Variants in LTBP2 observed in about 807,000 individuals in gnomAD.
The protein encoded by LTBP2 is latent-transforming growth factor beta-binding protein 2.
Under a neutral mutation model 210.6 loss-of-function variants are expected in LTBP2, and 103 were observed. The ratio of observed to expected loss-of-function variants is 0.49; its 90% CI spans 0.42 to 0.58. LTBP2 has a LOEUF of 0.58. Ranked by LOEUF, LTBP2 falls within the 20% of genes least tolerant of loss-of-function variation. LTBP2 has a pLI of 0.00. For missense variants in LTBP2, 2,313 were observed against 2,494.5 expected (o/e 0.93, Z 1.55); for synonymous variants, 1,007 against 1,015.0 (o/e 0.99, Z 0.15).
intron 30 of LTBP2, among the ~76,000 whole-genome samples, 185 bp from the exon 31 acceptor site, chr14:74,504,239 G>GA (rs1263187000): frequency 2.6e-5 from 4 of 152,250 alleles, no homozygotes; most frequent in Non-Finnish European, 5.9e-5. Context: ...TTGTAAGGAT[G>GA]AAAAGGTGTT....
Position 74,552,239 on chromosome 14 carries a change from C to G in LTBP2, c.1347G>C (p.Leu449=). The change falls in exon 6 of 36, where the codon CTG becomes CTC. Residue 449 remains leucine (L), a synonymous_variant. Transcript: ENST00000261978. ...PGRGSRPRAL[L]EAPLKQSTFT... Reference sequence around the variant, plus strand: ...AAGTGGACTGCTTCAGTGGGGCTTCCAGCAAGGCCCTGGGGCGGGACCCCC... The same window carrying G: ...AAGTGGACTGCTTCAGTGGGGCTTCGAGCAAGGCCCTGGGGCGGGACCCCC... 6.2e-7 allele frequency: 1 copy of G among 1,612,922 alleles called. No individual in the cohort carries two copies. Among genetic ancestry groups the G allele is most frequent in the Non-Finnish European group, 8.5e-7 (1 of 1,179,836 alleles).
In LTBP2 at chr14:74,502,635, T is replaced by A. The variant is rs1469713949; in HGVS notation, c.5170+18A>T. 6.2e-7 allele frequency: 1 copy of A among 1,614,100 alleles called. No homozygotes were observed. The highest frequency in any genetic ancestry group is 1.1e-5 in the South Asian group (1 of 91,084). ...GCTTTGGTGCCCACCTCTTCCCCAG[T>A]TTTGCAGCAACACAGACCTGGATGG... On this transcript the variant is annotated intron_variant, in intron 34 of 35. Coordinates refer to ENST00000261978, the MANE Select transcript of LTBP2 (RefSeq NM_000428.3).
At chr14:74,604,284 G>A (rs1164798454) in intron 1 of LTBP2, among the ~76,000 whole-genome samples, 1 of 152,056 alleles carries the variant, frequency 6.6e-6, no homozygotes, top group African/African-American at 2.4e-5. Context: ...GTCATACGAG[G>A]TGTTACCTGC....
rs373985419 is a variant in LTBP2, at chr14:74,586,043, C to T, written c.641G>A (p.Arg214His). ...AATGACCTCCTCGCAGCGGGCTCCA[C>T]GGAAACCAGAGCGGCAGACACAGAG... ...PQLCVCRSGF[R>H]GARCEEVIPD... The change falls in exon 3 of 36, where the codon CGT becomes CAT. Residue 214 changes from arginine to histidine, a missense_variant. Around this residue, in one of 3 missense-constraint regions of LTBP2, gnomAD observed 1,867 missense variants for 1,976.9 expected, o/e 0.94. Transcript: ENST00000261978. This position sits in a 1 kb window ranked among gnomAD's most constrained non-coding sequence, Gnocchi z 4.6. 6 of 1,602,588 alleles carry T rather than the reference C, an allele frequency of 3.7e-6. No homozygotes were observed. Among genetic ancestry groups the T allele is most frequent in the East Asian group, 2.2e-5 (1 of 44,446 alleles).
At chr14:74,597,477 C>T (rs578119593) in intron 2 of LTBP2, among the ~76,000 whole-genome samples, 1 of 152,308 alleles carries the variant, frequency 6.6e-6, no homozygotes, top group Admixed American at 6.5e-5. Flanking sequence ...ATCATTTCCC[C>T]ACTCAGCTCT....
intron 3 of LTBP2, among the ~76,000 whole-genome samples, chr14:74,585,065 A>G (rs150826092): frequency 6.6e-5 from 10 of 152,346 alleles, no homozygotes; most frequent in South Asian, 2.1e-4. Context: ...AGGAAAACAC[A>G]GTCCCCTAGA....
At chr14:74,542,915 C>T (rs1038938120) in intron 8 of LTBP2, among the ~76,000 whole-genome samples, 3 of 151,942 alleles carry the variant, frequency 2.0e-5, no homozygotes, top group Non-Finnish European at 4.4e-5. Flanking sequence ...TACAGCCACG[C>T]GCTGCCACAC....
In LTBP2 at chr14:74,503,560, G is replaced by C; in HGVS notation, c.4629C>G (p.Val1543=). The stretch of plus-strand genomic sequence containing the variant: ...AGCAGTGGAAGGAGCCCTCCGTGTT[G>C]ACGCACTCGCCATTCTCACAGGCCA... ...QDLACENGEC[V]NTEGSFHCFC... is the part of the protein sequence containing the mutation. The change falls in exon 32 of 36, where the codon GTC becomes GTG. Residue 1543 remains valine (V), a synonymous_variant. Coordinates refer to ENST00000261978, the MANE Select transcript of LTBP2 (RefSeq NM_000428.3). 6.2e-7 allele frequency: 1 copy of C among 1,613,900 alleles called. No homozygotes were observed. The highest frequency in any genetic ancestry group is 8.5e-7 in the Non-Finnish European group (1 of 1,180,014).
chr14:74,510,064 A>C (rs753040599), intron 20 of LTBP2, 27 bp downstream of exon 20: 2 of 1,613,786 alleles, frequency 1.2e-6, no homozygotes, highest in Non-Finnish European at 1.7e-6. Context: ...CGGCCTGCGG[A>C]GAAGGGGCGC....
Position 74,528,993 on chromosome 14 carries a change from C to A in LTBP2, c.2117G>T (p.Gly706Val), listed in dbSNP as rs774255036. Residue 706 changes from glycine to valine, a missense_variant, in exon 11 of 36, where the codon GGC becomes GTC. This residue lies in a region of LTBP2 where 1,867 missense variants were observed against 1,976.9 expected (regional missense o/e 0.94). Transcript: ENST00000261978. ...CCCSRVGKAW[G>V]SECEKCPLPG... ...CAGAGGGCATTTCTCACACTCGCTGCCCCATGCTTTGCCCACGCGGCTGCA... is the reference window on the plus strand; with the variant it reads ...CAGAGGGCATTTCTCACACTCGCTGACCCATGCTTTGCCCACGCGGCTGCA... 8 of 1,609,630 alleles carry A rather than the reference C, an allele frequency of 5.0e-6. No homozygotes were observed. The highest frequency in any genetic ancestry group is 6.8e-6 in the Non-Finnish European group (8 of 1,178,414).
At chr14:74,526,317 A>C (rs1378342876) in intron 13 of LTBP2, among the ~76,000 whole-genome samples, 1 of 152,220 alleles carries the variant, frequency 6.6e-6, no homozygotes, top group Non-Finnish European at 1.5e-5. Context: ...TAACCTTCTC[A>C]ACTATCTTAT....
intron 1 of LTBP2, among the ~76,000 whole-genome samples, chr14:74,609,009 C>T (rs1042023847): frequency 9.9e-5 from 15 of 152,158 alleles, no homozygotes; most frequent in African/African-American, 3.6e-4. Context: ...AAATATTTGT[C>T]GAATGAATGA....
chr14:74,524,396 CT>C (rs2087244794), intron 15 of LTBP2, among the ~76,000 whole-genome samples: 3 of 152,110 alleles, frequency 2.0e-5, no homozygotes, highest in African/African-American at 7.2e-5. Context: ...CCAGAACCCC[CT>C]GACCACCCTC....
rs951949324 is a variant in LTBP2 at position 74,611,839 on chromosome 14, G to C, written c.106C>G (p.Gln36Glu). The C allele has an allele frequency of 6.2e-7, 1 of 1,611,496 alleles. No individual in the cohort carries two copies. The highest frequency in any genetic ancestry group is 8.5e-7 in the Non-Finnish European group (1 of 1,179,642). Residue 36 changes from glutamine (Q) to glutamate (E), a missense_variant, in exon 1 of 36, where the codon CAA becomes GAA. Transcript: ENST00000261978. Reference protein sequence around the residue: ...LALFVGAGHAQRDPVGRYEPA... With the variant: ...LALFVGAGHAERDPVGRYEPA... The stretch of plus-strand genomic sequence containing the variant: ...TCGTATCTCCCTACGGGGTCCCTTT[G>C]GGCATGACCCGCGCCCACGAAGAGA...
chr14:74,528,814 G>T, intron 11 of LTBP2, 116 bp from the exon 12 acceptor site: 1 of 1,505,868 alleles, frequency 6.6e-7, no homozygotes, highest in Non-Finnish European at 9.0e-7. Context: ...GAGGGAGGGA[G>T]CCCCAGGTTG....
chr14:74,526,051 G>A (rs768257850), intron 14 of LTBP2, 24 bp downstream of exon 14: 3 of 1,594,816 alleles, frequency 1.9e-6, no homozygotes, highest in Non-Finnish European at 2.6e-6. Context: ...TTTTGCCTAG[G>A]AGCCGCCAGG....
intron 30 of LTBP2, among the ~76,000 whole-genome samples, chr14:74,504,522 G>A (rs2086957810): frequency 6.6e-6 from 1 of 152,226 alleles, no homozygotes; most frequent in East Asian, 1.9e-4. Flanking sequence ...AGTTAGTCAA[G>A]GCATCATAGT....
intron 2 of LTBP2, among the ~76,000 whole-genome samples, chr14:74,601,032 T>C (rs2139805117): frequency 6.6e-6 from 1 of 152,304 alleles, no homozygotes; most frequent in South Asian, 2.1e-4. Flanking sequence ...CAGTGATTTT[T>C]GACCACACCT....
In LTBP2 at chr14:74,511,373, C is replaced by G. The variant is rs917224377; in HGVS notation, c.2909-9G>C. ...ACGGCATTCGTTGATATCTGCAAAACAGCAGCCCCTCCCTTGGTCATCCCT... is the reference window on the plus strand; with the variant it reads ...ACGGCATTCGTTGATATCTGCAAAAGAGCAGCCCCTCCCTTGGTCATCCCT... On this transcript the variant is annotated splice_polypyrimidine_tract_variant and intron_variant, in intron 18 of 35. Transcript: ENST00000261978. 8 of 1,613,940 alleles carry G rather than the reference C, an allele frequency of 5.0e-6. No homozygotes were observed. Among genetic ancestry groups the G allele is most frequent in the African/African-American group, 1.3e-5 (1 of 75,036 alleles).
Sources: gnomAD v4.1 joint callset for allele counts (sites outside exome capture counted in the v4.1 genomes callset) on GRCh38, gnomAD v4.1.1 for gene constraint, gnomAD v4.1.1 regional missense constraint, Gnocchi (gnomAD v3.1) non-coding constraint, MANE v1.5 for transcripts, NCBI Gene and HGNC (gene_info 2026-07-23, HGNC 2026-07-21) for gene names.